UGT2B7: variants seen among roughly 807,000 people sequenced by gnomAD.
UGT2B7 encodes the protein UDP-glucuronosyltransferase 2B7.
In UGT2B7, 51 loss-of-function variants were observed where a neutral mutation model predicts 51.9. The observed-to-expected ratio is 0.98, with a 90% confidence interval of 0.78 to 1.24. The LOEUF is 1.24. Ranked by LOEUF, UGT2B7 falls within the 50% of genes most tolerant of loss-of-function variation. UGT2B7 has a pLI of 0.00. For synonymous variants in UGT2B7, 225 were observed against 211.6 expected (o/e 1.06, Z -0.55); for missense variants, 727 against 628.4 (o/e 1.16, Z -1.68).
At chr4:69,087,994 C>T (rs540365505) in intron 1 of UGT2B7, among the ~76,000 whole-genome samples, 13 of 152,002 alleles carry the variant, frequency 8.6e-5, no homozygotes, top group Admixed American at 6.6e-4. Flanking sequence ...ACAAAATGTT[C>T]CATCATTATT....
chr4:69,094,826 T>C (rs1208973897), upstream of UGT2B7, among the ~76,000 whole-genome samples: 8 of 152,338 alleles, frequency 5.3e-5, no homozygotes, highest in African/African-American at 1.9e-4. Flanking sequence ...ATTAATCCTC[T>C]CAAACTCTAA....
chr4:69,097,539 T>C (rs2109884044), intron 1 of UGT2B7, among the ~76,000 whole-genome samples: 1 of 152,262 alleles, frequency 6.6e-6, no homozygotes, highest in East Asian at 1.9e-4. Context: ...TTGTTTTACA[T>C]CTTAAAAACA....
At chr4:69,056,801 A>T (rs184384988) in intron 1 of UGT2B7, among the ~76,000 whole-genome samples, 123 of 152,346 alleles carry the variant, frequency 8.1e-4, no homozygotes, top group African/African-American at 2.9e-3. Context: ...GACATAAGTA[A>T]CAAAAATAAG....
intron 1 of UGT2B7, among the ~76,000 whole-genome samples, chr4:69,081,506 A>C (rs1274940938): frequency 6.6e-6 from 1 of 152,196 alleles, no homozygotes; most frequent in Admixed American, 6.5e-5. Context: ...AAATTAAAAT[A>C]GAAACCTGTA....
At chr4:69,087,993 T>C (rs775936070) in intron 1 of UGT2B7, among the ~76,000 whole-genome samples, 1 of 152,070 alleles carries the variant, frequency 6.6e-6, no homozygotes, top group African/African-American at 2.4e-5. Flanking sequence ...TACAAAATGT[T>C]CCATCATTAT....
chr4:69,101,292 A>C (rs1199430883), intron 2 of UGT2B7, among the ~76,000 whole-genome samples: 1 of 152,194 alleles, frequency 6.6e-6, no homozygotes, highest in East Asian at 1.9e-4. Context: ...GAAAAAATAT[A>C]TTTTACATAA....
At chr4:69,107,401 A>G (rs1218875767) in intron 4 of UGT2B7, 139 bp downstream of exon 4, 40 of 1,007,464 alleles carry the variant, frequency 4.0e-5, no homozygotes, top group Admixed American at 1.5e-4. Context: ...TTCCAGTCTT[A>G]AGGGAGAAAG....
chr4:69,087,427 C>T (rs114015800), intron 1 of UGT2B7, among the ~76,000 whole-genome samples: 1,587 of 151,850 alleles, frequency 0.01, 29 homozygotes, highest in African/African-American at 0.036. Context: ...TCTTTAATAA[C>T]TTTGTCTTTT....
At chr4:69,082,497 T>C (rs1410423728) in intron 1 of UGT2B7, among the ~76,000 whole-genome samples, 2 of 151,982 alleles carry the variant, frequency 1.3e-5, no homozygotes, top group Non-Finnish European at 2.9e-5. Context: ...GCATTATCAT[T>C]CATGTGAAGA....
At chr4:69,069,652 AAT>A (rs1027502314) in intron 1 of UGT2B7, 79 of 131,966 alleles carry the variant, frequency 6.0e-4, no homozygotes, top group African/African-American at 2.4e-3. Context: ...GTAAAAAAAA[AAT>A]GTAATGTAGT....
intron 1 of UGT2B7, among the ~76,000 whole-genome samples, chr4:69,060,907 A>T (rs1041424094): frequency 1.3e-5 from 2 of 152,170 alleles, no homozygotes; most frequent in African/African-American, 4.8e-5. Flanking sequence ...CTTGCTCCCC[A>T]TTGAATCAGT....
chr4:69,055,599 A>T (rs116085328), intron 1 of UGT2B7, among the ~76,000 whole-genome samples: 3,917 of 152,290 alleles, frequency 0.026, 84 homozygotes, highest in Middle Eastern at 0.095. Flanking sequence ...TCCAGGAAAA[A>T]CTAAAAATTT....
At position 69,096,766 on chromosome 4, in the gene UGT2B7, T is replaced by G; in HGVS notation, c.246T>G (p.Thr82=). The part of the protein sequence containing the change: ...LKIEIYPTSL[T]KTELENFIMQ... ...TTGAAATTTATCCCACATCTTTAAC[T>G]AAAACTGAGTTGGAGAATTTCATCA... Residue 82 remains threonine (T), a synonymous_variant, in exon 1 of 6, where the codon ACT becomes ACG. Coordinates refer to ENST00000305231, the MANE Select transcript of UGT2B7 (RefSeq NM_001074.4). The G allele has an allele frequency of 1.2e-6, 2 of 1,614,028 alleles. No homozygotes were observed. The highest frequency in any genetic ancestry group is 1.7e-6 in the Non-Finnish European group (2 of 1,179,934).
At chr4:69,062,707 A>G (rs538440883) in intron 1 of UGT2B7, among the ~76,000 whole-genome samples, 8 of 152,290 alleles carry the variant, frequency 5.3e-5, no homozygotes, top group African/African-American at 1.9e-4. Context: ...TCACTCTGGA[A>G]GATGACCAGT....
At chr4:69,106,191 G>A (rs1437510424) in intron 3 of UGT2B7, among the ~76,000 whole-genome samples, 2 of 151,900 alleles carry the variant, frequency 1.3e-5, no homozygotes, top group African/African-American at 2.4e-5. Context: ...TTATTGTACT[G>A]TTCGTTTCAT....
At chr4:69,107,353 G>A (rs1291244211) in intron 4 of UGT2B7, 91 bp downstream of exon 4, 1 of 1,373,708 alleles carries the variant, frequency 7.3e-7, no homozygotes, top group Non-Finnish European at 9.9e-7. Flanking sequence ...TTGAATATTT[G>A]TTAAGGAAAA....
Position 69,096,698 on chromosome 4 carries a change from G to C in UGT2B7, c.178G>C (p.Ala60Pro). ...TGAGGTGACTGTACTGGCATCTTCA[G>C]CTTCCATTCTTTTTGATCCCAACAA... ...GHEVTVLASSASILFDPNNSS... is the reference protein window; with the variant it reads ...GHEVTVLASSPSILFDPNNSS... Residue 60 changes from alanine (A) to proline (P), a missense_variant, in exon 1 of 6, where the codon GCT (alanine) becomes CCT (proline). Transcript: ENST00000305231. 1.2e-6 allele frequency: 2 copies of C among 1,614,002 alleles called. No individual in the cohort carries two copies. Among genetic ancestry groups the C allele is most frequent in the Non-Finnish European group, 1.7e-6 (2 of 1,179,934 alleles).
At chr4:69,087,916 C>T (rs2109877596) in intron 1 of UGT2B7, among the ~76,000 whole-genome samples, 1 of 151,898 alleles carries the variant, frequency 6.6e-6, no homozygotes, top group South Asian at 2.1e-4. Context: ...TAGGATGTGC[C>T]TTTGGGAAAT....
At chr4:69,080,709 T>A (rs530212592) in intron 1 of UGT2B7, among the ~76,000 whole-genome samples, 1 of 152,270 alleles carries the variant, frequency 6.6e-6, no homozygotes, top group Non-Finnish European at 1.5e-5. Context: ...CATAGCTTCA[T>A]CTGAAAAAAA....
Sources: allele counts gnomAD v4.1 joint callset (sites outside exome capture counted in the v4.1 genomes callset), GRCh38; gene constraint gnomAD v4.1.1; transcripts MANE v1.5; gene names NCBI Gene and HGNC (gene_info 2026-07-23, HGNC 2026-07-21).